Variants in ADAM7 observed in about 807,000 individuals in gnomAD.
ADAM7 encodes ADAM metallopeptidase domain 7, also known as disintegrin and metalloproteinase domain-containing protein 7.
Under a neutral mutation model 102.9 loss-of-function variants are expected in ADAM7, and 97 were observed. That is an observed-to-expected ratio of 0.94 (90% CI 0.80 to 1.12). The LOEUF (loss-of-function observed/expected upper bound fraction) is 1.12. ADAM7 is among the 50% of genes most tolerant of loss of function. The probability of loss-of-function intolerance (pLI) is 0.00; values close to 1 mark genes in which losing one functional copy is unlikely to be tolerated. For synonymous variants in ADAM7, 334 were observed against 304.4 expected, an observed-to-expected ratio of 1.10 and a Z score of -1.01; for missense variants, 991 against 908.7, an observed-to-expected ratio of 1.09 and a Z score of -1.16.
chr8:24,493,121 T>G lies in ADAM7; in HGVS notation c.1734T>G (p.Leu578=), dbSNP rs746896298. The change falls in exon 16 of 22, where the codon CTT becomes CTG. Residue 578 remains leucine (L), a synonymous_variant. Transcript: ENST00000175238. ...TTGGAGAAGACAAGACTTATCACCT[T>G]AAGGATCCCCAGAAGAATGCTACTG... ...SLLGEDKTYH[L]KDPQKNATVK... 7 of 1,613,320 alleles carry G rather than the reference T, an allele frequency of 4.3e-6. No individual in the cohort carries two copies. The highest frequency in any genetic ancestry group is 5.9e-6 in the Non-Finnish European group (7 of 1,179,626).
intron 1 of ADAM7, 105 bp downstream of exon 1, chr8:24,441,265 G>C (rs951699650): frequency 1.7e-6 from 2 of 1,153,704 alleles, no homozygotes; most frequent in Admixed American, 3.6e-5. Flanking sequence ...AAACGTTGAT[G>C]ATTTTTCTGA....
intron 3 of ADAM7, among the ~76,000 whole-genome samples, chr8:24,462,769 T>C (rs1381387875): frequency 6.6e-6 from 1 of 152,180 alleles, no homozygotes; most frequent in African/African-American, 2.4e-5. Flanking sequence ...CTCCTAATAT[T>C]CCAAATACTA....
chr8:24,470,098 A>G (rs752909845), intron 7 of ADAM7, among the ~76,000 whole-genome samples: 2 of 152,182 alleles, frequency 1.3e-5, no homozygotes, highest in Non-Finnish European at 2.9e-5. Context: ...ATTTCTGAAT[A>G]TCAAAGACAA....
At chr8:24,446,782 T>C (rs979392135) in intron 2 of ADAM7, among the ~76,000 whole-genome samples, 2 of 151,282 alleles carry the variant, frequency 1.3e-5, no homozygotes, top group Non-Finnish European at 1.5e-5. Flanking sequence ...TATCCTTGGA[T>C]GAGGAGAGAA....
intron 6 of ADAM7, 193 bp downstream of exon 6, chr8:24,467,181 T>C (rs1169716537): frequency 3.3e-6 from 2 of 608,872 alleles, no homozygotes; most frequent in Non-Finnish European, 5.7e-6. Flanking sequence ...GTTTGTTTAA[T>C]CAGTTTCAAG....
chr8:24,444,613 G>C (rs1818485061), intron 2 of ADAM7, among the ~76,000 whole-genome samples: 1 of 151,126 alleles, frequency 6.6e-6, no homozygotes, highest in African/African-American at 2.4e-5. Context: ...AAAAATATCA[G>C]AACAAAAACA....
At chr8:24,453,383 C>T (rs1255043614) in intron 3 of ADAM7, among the ~76,000 whole-genome samples, 22 of 151,696 alleles carry the variant, frequency 1.5e-4, no homozygotes, top group East Asian at 7.7e-4. Context: ...CTTCCCTTCT[C>T]GCTTCATTTC....
At chr8:24,442,048 C>T (rs993591923) in intron 1 of ADAM7, among the ~76,000 whole-genome samples, 1 of 152,116 alleles carries the variant, frequency 6.6e-6, no homozygotes, top group Admixed American at 6.5e-5. Context: ...GTGGTGTGCA[C>T]TTGTAATCCC....
intron 16 of ADAM7, among the ~76,000 whole-genome samples, chr8:24,494,712 GA>G (rs35824095): frequency 0.72 from 109,088 of 151,926 alleles, 39,875 homozygotes; most frequent in African/African-American, 0.79. Context: ...TGATGTGAGT[GA>G]AAAAAAAATC....
At position 24,468,817 on chromosome 8, in the gene ADAM7, T is replaced by C; in HGVS notation, c.630T>C (p.Thr210=). ...YVELFIVADD[T]VYRRNGHPHN... ...AATTGTTCATTGTTGCTGATGATAC[T>C]GTGGTAAGTTTTCAATAGAACATTT... is the stretch of plus-strand genomic sequence containing the variant. The change falls in exon 7 of 22, where the codon ACT becomes ACC. Residue 210 remains threonine (T), a synonymous_variant. Coordinates refer to ENST00000175238, the MANE Select transcript of ADAM7 (RefSeq NM_003817.4). The C allele has an allele frequency of 6.2e-7, 1 of 1,612,542 alleles. No homozygotes were observed. Among genetic ancestry groups the C allele is most frequent in the Non-Finnish European group, 8.5e-7 (1 of 1,179,026 alleles).
intron 3 of ADAM7, among the ~76,000 whole-genome samples, chr8:24,456,683 T>C (rs1819047997): frequency 1.3e-5 from 2 of 152,256 alleles, no homozygotes; most frequent in Non-Finnish European, 2.9e-5. Context: ...TCTGGAAATT[T>C]TTAACACAAG....
intron 9 of ADAM7, 127 bp downstream of exon 9, chr8:24,482,438 T>A: frequency 2.1e-6 from 2 of 933,634 alleles, no homozygotes; most frequent in South Asian, 3.2e-5. Context: ...GGACAAAATG[T>A]TATTTGTAGC....
chr8:24,492,162 T>G (rs757236135), intron 14 of ADAM7, 64 bp downstream of exon 14: 158 of 1,477,398 alleles, frequency 1.1e-4, no homozygotes, highest in Non-Finnish European at 1.4e-4. Flanking sequence ...GTTATTGCCC[T>G]GTAGGAATTG....
At chr8:24,451,447 G>T (rs1216995053) in intron 3 of ADAM7, among the ~76,000 whole-genome samples, 2 of 152,126 alleles carry the variant, frequency 1.3e-5, no homozygotes, top group Admixed American at 1.3e-4. Context: ...AGAGGTGTTT[G>T]TAGTATTCTC....
intron 20 of ADAM7, among the ~76,000 whole-genome samples, chr8:24,503,352 T>C (rs937880309): frequency 3.9e-5 from 6 of 152,092 alleles, no homozygotes; most frequent in Non-Finnish European, 7.4e-5. Context: ...GTTAGAATGG[T>C]GATCATTAAA....
chr8:24,487,147 T>A (rs1276111759), intron 10 of ADAM7, 40 bp from the exon 11 acceptor site: 1 of 1,602,164 alleles, frequency 6.2e-7, no homozygotes, highest in East Asian at 2.3e-5. Context: ...TACAGTATGC[T>A]AACTTTTGAA....
At chr8:24,466,497 G>T (rs1307723850) in intron 5 of ADAM7, among the ~76,000 whole-genome samples, 1 of 152,024 alleles carries the variant, frequency 6.6e-6, no homozygotes, top group East Asian at 1.9e-4. Context: ...CATAATTTTT[G>T]CAATAACTCT....
chr8:24,483,144 C>T (rs1010662857), intron 9 of ADAM7, among the ~76,000 whole-genome samples: 2 of 152,140 alleles, frequency 1.3e-5, no homozygotes, highest in Non-Finnish European at 2.9e-5. Flanking sequence ...AAAAGCGTGA[C>T]TTTGTCTAGA....
At chr8:24,449,898 A>G (rs879726648) in intron 3 of ADAM7, among the ~76,000 whole-genome samples, 4 of 152,170 alleles carry the variant, frequency 2.6e-5, no homozygotes, top group Non-Finnish European at 4.4e-5. Context: ...ACCATTTATT[A>G]AATAGGGAAT....
Sources: gnomAD v4.1 joint callset for allele counts (sites outside exome capture counted in the v4.1 genomes callset) on GRCh38, gnomAD v4.1.1 for gene constraint, MANE v1.5 for transcripts, NCBI Gene and HGNC (gene_info 2026-07-23, HGNC 2026-07-21) for gene names.